Variants in DOT1L observed in about 807,000 individuals in gnomAD.
DOT1L encodes the protein histone-lysine N-methyltransferase, H3 lysine-79 specific.
A neutral mutation model predicts 153.3 loss-of-function variants in DOT1L; 33 were observed. The ratio of observed to expected loss-of-function variants is 0.22; its 90% CI spans 0.16 to 0.29. DOT1L has a LOEUF of 0.29. DOT1L is among the 10% of genes least tolerant of loss of function. The pLI is 1.00. For missense variants in DOT1L, 1,847 were observed against 2,119.9 expected, an observed-to-expected ratio of 0.87 and a Z score of 2.53; for synonymous variants, 1,135 against 965.1, an observed-to-expected ratio of 1.18 and a Z score of -3.26.
At chr19:2,214,282 C>T (rs1186544461) in intron 18 of DOT1L, 189 bp from the exon 19 acceptor site, 1 of 980,100 alleles carries the variant, frequency 1.0e-6, no homozygotes, top group Non-Finnish European at 1.5e-6. Flanking sequence ...GGAGCTGCCT[C>T]ATCTGTCCGT....
At chr19:2,195,707 C>G (rs1268857937) in intron 7 of DOT1L, among the ~76,000 whole-genome samples, 1 of 152,114 alleles carries the variant, frequency 6.6e-6, no homozygotes, top group African/African-American at 2.4e-5. Flanking sequence ...CCTGGGAGGA[C>G]GATGGCACAG....
rs2022782860 is a variant in DOT1L, at chr19:2,191,298, C to T, written c.493+58C>T. On this transcript the variant is annotated intron_variant, in intron 5 of 27. Coordinates refer to ENST00000398665, the MANE Select transcript of DOT1L (RefSeq NM_032482.3). The surrounding 1 kb of genome is among the most constrained non-coding windows in gnomAD (Gnocchi z 6.8). ...CACTTCCAGGCCACACGCTCTGTGCCTGCCCCATGCCTGCTTGGAGAAGAG... is the reference window on the plus strand; with the variant it reads ...CACTTCCAGGCCACACGCTCTGTGCTTGCCCCATGCCTGCTTGGAGAAGAG... The T allele has an allele frequency of 2.6e-6, 4 of 1,539,548 alleles. No homozygotes were observed. The Admixed American group carries it at 5.0e-5, about 19-fold the overall frequency.
chr19:2,182,574 G>A (rs1050223793), intron 2 of DOT1L, among the ~76,000 whole-genome samples: 1 of 151,998 alleles, frequency 6.6e-6, no homozygotes, highest in Non-Finnish European at 1.5e-5. Flanking sequence ...GTGGCTTCCC[G>A]GGGCTGTGAC....
At chr19:2,184,591 G>T (rs2022403941) in intron 2 of DOT1L, among the ~76,000 whole-genome samples, 1 of 152,184 alleles carries the variant, frequency 6.6e-6, no homozygotes, top group African/African-American at 2.4e-5. Context: ...CGCAGGCCAG[G>T]TGGCTGCGGA....
chr19:2,206,683 C>T (rs745394926), intron 9 of DOT1L, 46 bp from the exon 10 acceptor site: 2 of 1,601,306 alleles, frequency 1.2e-6, no homozygotes, highest in Non-Finnish European at 1.7e-6. Flanking sequence ...GTCTGCTCTT[C>T]TGTTTCCTCT....
chr19:2,204,319 C>T lies in DOT1L; in HGVS notation c.787+1540C>T, dbSNP rs1379732560. Among the ~76,000 whole-genome samples, 4 of 151,942 alleles carry T rather than the reference C, an allele frequency of 2.6e-5. No homozygotes were observed. Among genetic ancestry groups the T allele is most frequent in the African/African-American group, 9.7e-5 (4 of 41,348 alleles). On this transcript the variant is annotated intron_variant, in intron 9 of 27. Coordinates refer to ENST00000398665, the MANE Select transcript of DOT1L (RefSeq NM_032482.3). This position sits in a 1 kb window ranked among gnomAD's most constrained non-coding sequence, Gnocchi z 5.7. ...TGTGTGTGCATGCATGCCTGTGTCT[C>T]TCTGCGTCTGTGTGCCTTGGGAGTT...
At chr19:2,168,032 G>A (rs2019993351) in intron 1 of DOT1L, among the ~76,000 whole-genome samples, 1 of 152,182 alleles carries the variant, frequency 6.6e-6, no homozygotes, top group Non-Finnish European at 1.5e-5. Flanking sequence ...ACCGTGCCCA[G>A]ACGCAGCTGC....
At chr19:2,178,292 G>T (rs1432963201) in intron 1 of DOT1L, among the ~76,000 whole-genome samples, 1 of 144,342 alleles carries the variant, frequency 6.9e-6, no homozygotes, top group African/African-American at 2.6e-5. Flanking sequence ...TCTTTGGGAG[G>T]CCAAGGCAGA....
In DOT1L at chr19:2,229,815, C is replaced by T. The variant is rs926630980; in HGVS notation, c.*23C>T. On this transcript the variant is annotated 3_prime_UTR_variant, in exon 28 of 28. Coordinates refer to ENST00000398665, the MANE Select transcript of DOT1L (RefSeq NM_032482.3). ...TAGGATTTCTACCTCAACCGCGAGA[C>T]CTATGCAAGGACGGTGTGGACCAAC... The T allele has an allele frequency of 1.2e-6, 2 of 1,613,204 alleles. No homozygotes were observed. Among genetic ancestry groups the T allele is most frequent in the Non-Finnish European group, 1.7e-6 (2 of 1,179,944 alleles).
intron 1 of DOT1L, among the ~76,000 whole-genome samples, chr19:2,180,264 C>A (rs1269970314): frequency 7.9e-5 from 12 of 152,170 alleles, no homozygotes; most frequent in Admixed American, 7.9e-4. Flanking sequence ...CCCAGCCAGG[C>A]TGGAGCTCCC....
chr19:2,201,262 C>T (rs564315292), intron 8 of DOT1L, among the ~76,000 whole-genome samples: 15 of 151,688 alleles, frequency 9.9e-5, no homozygotes, highest in African/African-American at 3.1e-4. Flanking sequence ...CCTCGTCCTC[C>T]CCGCATTCCT....
chr19:2,200,742 T>C (rs1440365327), intron 8 of DOT1L, among the ~76,000 whole-genome samples: 33 of 124,454 alleles, frequency 2.7e-4, no homozygotes, highest in East Asian at 1.1e-3. Context: ...TCATCTTCCC[T>C]GTATTCCTCG....
At chr19:2,185,823 C>T (rs1020874164) in intron 2 of DOT1L, 32 bp from the exon 3 acceptor site, 1 of 1,610,280 alleles carries the variant, frequency 6.2e-7, no homozygotes, top group East Asian at 2.2e-5. Flanking sequence ...AAAACCAAAC[C>T]CTTCCTGATC....
chr19:2,175,614 A>C (rs1446890118), intron 1 of DOT1L, among the ~76,000 whole-genome samples: 6 of 152,202 alleles, frequency 3.9e-5, no homozygotes, highest in African/African-American at 7.2e-5. Context: ...GGATCATCTG[A>C]GGTCAGGAGT....
At chr19:2,182,021 G>C (rs1033134887) in intron 2 of DOT1L, among the ~76,000 whole-genome samples, 1 of 152,082 alleles carries the variant, frequency 6.6e-6, no homozygotes, top group Non-Finnish European at 1.5e-5. Flanking sequence ...CCAGGAGTTC[G>C]AGACTGGCCT....
chr19:2,214,242 C>T (rs905737113), intron 18 of DOT1L: 15 of 877,800 alleles, frequency 1.7e-5, no homozygotes, highest in Middle Eastern at 3.5e-4. Flanking sequence ...TGGGGTCATG[C>T]GAGCATCCCA....
intron 14 of DOT1L, 121 bp from the exon 15 acceptor site, chr19:2,210,978 T>G (rs1160555498): frequency 1.4e-5 from 20 of 1,451,822 alleles, no homozygotes; most frequent in Non-Finnish European, 1.9e-5. Flanking sequence ...CTCCCTGTTG[T>G]GGCTGTGCCT....
intron 7 of DOT1L, among the ~76,000 whole-genome samples, chr19:2,198,267 G>C (rs758219729): frequency 4.7e-4 from 71 of 152,230 alleles, no homozygotes; most frequent in Non-Finnish European, 8.8e-4. Flanking sequence ...ATGTTCAGAG[G>C]GTCTGTCAGG....
chr19:2,220,164 G>C lies in DOT1L; in HGVS notation c.2748G>C (p.Lys916Asn). The C allele has an allele frequency of 1.9e-6, 3 of 1,613,798 alleles. No homozygotes were observed. The highest frequency in any genetic ancestry group is 2.5e-6 in the Non-Finnish European group (3 of 1,179,994). The change falls in exon 23 of 28, where the codon AAG becomes AAC. Residue 916 changes from lysine (K) to asparagine (N), a missense_variant. Lys to Asn is a moderately conservative substitution (Grantham distance 94). Around this residue, in one of 8 missense-constraint regions of DOT1L, gnomAD observed 68 missense variants for 80.7 expected, o/e 0.84. Coordinates refer to ENST00000398665, the MANE Select transcript of DOT1L (RefSeq NM_032482.3). This position sits in a 1 kb window ranked among gnomAD's most constrained non-coding sequence, Gnocchi z 4.5. ...QPRDPSSTLE[K>N]QIGANAHGAG... ...GTGACCCCTCGTCCACACTTGAAAA[G>C]CAGATTGGTGCTAATGCCCACGGTG...
Sources: gnomAD v4.1 joint callset for allele counts (sites outside exome capture counted in the v4.1 genomes callset) on GRCh38, gnomAD v4.1.1 for gene constraint, gnomAD v4.1.1 regional missense constraint, Gnocchi (gnomAD v3.1) non-coding constraint, MANE v1.5 for transcripts, NCBI Gene and HGNC (gene_info 2026-07-23, HGNC 2026-07-21) for gene names.